The following NECAB1 variants were observed in gnomAD, a reference collection of about 807,000 sequenced individuals.
NECAB1 encodes the protein N-terminal EF-hand calcium-binding protein 1.
A neutral mutation model predicts 57.5 loss-of-function variants in NECAB1; 29 were observed. That is an observed-to-expected ratio of 0.50 (90% CI 0.38 to 0.69). NECAB1 has a LOEUF of 0.69. Among genes scored for constraint, NECAB1 ranks in the 30% least tolerant of loss-of-function variants. NECAB1 has a pLI of 0.00. For missense variants in NECAB1, 372 were observed against 413.8 expected (o/e 0.90, Z 0.88); for synonymous variants, 142 against 147.7 (o/e 0.96, Z 0.28).
intron 5 of NECAB1, among the ~76,000 whole-genome samples, chr8:90,886,177 T>C (rs1483629584): frequency 6.6e-6 from 1 of 152,162 alleles, no homozygotes; most frequent in Non-Finnish European, 1.5e-5. Flanking sequence ...TAGAATGAAA[T>C]ATATCCAAAG....
intron 1 of NECAB1, among the ~76,000 whole-genome samples, chr8:90,794,886 A>G (rs1437738640): frequency 2.0e-5 from 3 of 152,234 alleles, no homozygotes; most frequent in Non-Finnish European, 4.4e-5. Context: ...TTGTCTTGCT[A>G]GAATATGACA....
At chr8:90,893,682 A>C (rs1258548082) in intron 5 of NECAB1, among the ~76,000 whole-genome samples, 1 of 152,074 alleles carries the variant, frequency 6.6e-6, no homozygotes, top group East Asian at 1.9e-4. Flanking sequence ...TGGGGTGAAA[A>C]CTGTCTATCT....
At chr8:90,803,453 C>A (rs1161853234) in intron 2 of NECAB1, among the ~76,000 whole-genome samples, 1 of 152,152 alleles carries the variant, frequency 6.6e-6, no homozygotes, top group Non-Finnish European at 1.5e-5. Context: ...TGATTTAGGT[C>A]CACCCTTACC....
intron 1 of NECAB1, among the ~76,000 whole-genome samples, chr8:90,795,187 C>G (rs1811640027): frequency 6.6e-6 from 1 of 152,232 alleles, no homozygotes; most frequent in African/African-American, 2.4e-5. Context: ...TAGCATGTGT[C>G]TCCTCTTTTG....
intron 2 of NECAB1, among the ~76,000 whole-genome samples, chr8:90,813,746 C>T (rs1812011546): frequency 6.6e-6 from 1 of 152,096 alleles, no homozygotes; most frequent in Non-Finnish European, 1.5e-5. Flanking sequence ...CCAGGCTGGT[C>T]TCAAACTCCT....
chr8:90,818,875 A>G (rs1041316082), intron 2 of NECAB1, among the ~76,000 whole-genome samples: 1 of 151,782 alleles, frequency 6.6e-6, no homozygotes, highest in Non-Finnish European at 1.5e-5. Context: ...TACATGTAAC[A>G]CTTTTTGAAA....
intron 1 of NECAB1, among the ~76,000 whole-genome samples, chr8:90,795,431 C>G (rs1811644244): frequency 1.3e-5 from 2 of 152,148 alleles, no homozygotes; most frequent in South Asian, 2.1e-4. Context: ...GGATGAATGA[C>G]TTTACTGCTT....
At chr8:90,946,295 G>A (rs1317967227) in intron 10 of NECAB1, among the ~76,000 whole-genome samples, 1 of 152,108 alleles carries the variant, frequency 6.6e-6, no homozygotes, top group African/African-American at 2.4e-5. Flanking sequence ...CCTTTATTAG[G>A]TTTCCTAACT....
chr8:90,887,241 C>A (rs551651455), intron 5 of NECAB1, among the ~76,000 whole-genome samples: 1 of 152,274 alleles, frequency 6.6e-6, no homozygotes, highest in African/African-American at 2.4e-5. Context: ...CCCTGACTAT[C>A]TTCTCCCATT....
At chr8:90,917,951 T>TACAC (rs745796405) in intron 6 of NECAB1, among the ~76,000 whole-genome samples, 3 of 40,728 alleles carry the variant, frequency 7.4e-5, no homozygotes, top group Non-Finnish European at 1.1e-4. Context: ...TGTATATATA[T>TACAC]ACACACACAC....
chr8:90,955,398 A>G (rs1811012827), intron 12 of NECAB1, 89 bp from the exon 13 acceptor site: 4 of 912,652 alleles, frequency 4.4e-6, no homozygotes, highest in Non-Finnish European at 5.1e-6. Flanking sequence ...GGTAAGGGGA[A>G]TGGTCTCTTT....
chr8:90,827,391 A>C (rs1208640905), intron 3 of NECAB1, among the ~76,000 whole-genome samples: 1 of 151,996 alleles, frequency 6.6e-6, no homozygotes, highest in Non-Finnish European at 1.5e-5. Context: ...TTTGCTGCTG[A>C]GGCCCCTGTG....
chr8:90,873,199 G>C (rs896169931), intron 4 of NECAB1, among the ~76,000 whole-genome samples: 14 of 152,178 alleles, frequency 9.2e-5, no homozygotes, highest in African/African-American at 3.4e-4. Flanking sequence ...TCTTATCCTA[G>C]CATAGTGTCC....
At chr8:90,804,117 G>C (rs572778891) in intron 2 of NECAB1, among the ~76,000 whole-genome samples, 1 of 152,150 alleles carries the variant, frequency 6.6e-6, no homozygotes. Flanking sequence ...GGTATGCCCA[G>C]CCAGTGCTAG....
intron 3 of NECAB1, among the ~76,000 whole-genome samples, chr8:90,852,743 T>C (rs1812709808): frequency 6.6e-6 from 1 of 152,176 alleles, no homozygotes; most frequent in African/African-American, 2.4e-5. Flanking sequence ...AGTCAGACTT[T>C]GGGGAAAGAT....
intron 3 of NECAB1, among the ~76,000 whole-genome samples, chr8:90,828,966 C>T (rs1812265022): frequency 1.3e-5 from 2 of 151,994 alleles, no homozygotes; most frequent in Non-Finnish European, 1.5e-5. Flanking sequence ...TTCATAATTT[C>T]CCAGATTTTT....
intron 2 of NECAB1, among the ~76,000 whole-genome samples, chr8:90,808,807 G>A (rs867199590): frequency 2.6e-5 from 4 of 151,824 alleles, no homozygotes; most frequent in South Asian, 2.1e-4. Context: ...CACCATGCCC[G>A]GCTAATTTTT....
At chr8:90,890,821 G>A (rs1809144963) in intron 5 of NECAB1, among the ~76,000 whole-genome samples, 1 of 152,134 alleles carries the variant, frequency 6.6e-6, no homozygotes, top group South Asian at 2.1e-4. Flanking sequence ...TCTAAGTTTT[G>A]CAACACAATG....
At chr8:90,802,877 T>C (rs569380697) in intron 2 of NECAB1, among the ~76,000 whole-genome samples, 9 of 152,126 alleles carry the variant, frequency 5.9e-5, no homozygotes, top group Non-Finnish European at 1.3e-4. Context: ...TTTTTAGTTT[T>C]AGTTTTTGGG....
Sources: allele counts gnomAD v4.1 joint callset (sites outside exome capture counted in the v4.1 genomes callset), GRCh38; gene constraint gnomAD v4.1.1; transcripts MANE v1.5; gene names NCBI Gene and HGNC (gene_info 2026-07-23, HGNC 2026-07-21).